Variants in ADGRV1 observed in about 807,000 individuals in gnomAD.
ADGRV1 encodes the protein G-protein coupled receptor 98.
A neutral mutation model predicts 596.2 loss-of-function variants in ADGRV1; 359 were observed. The ratio of observed to expected loss-of-function variants is 0.60; its 90% CI spans 0.55 to 0.66. ADGRV1 has a LOEUF of 0.66. Ranked by LOEUF, ADGRV1 falls within the 30% of genes least tolerant of loss-of-function variation. The pLI is 0.00. For missense variants in ADGRV1, 7,274 were observed against 7,575.6 expected (o/e 0.96, Z 1.48); for synonymous variants, 2,681 against 2,679.2 (o/e 1.00, Z -0.02).
chr5:90,922,225 GATTAT>G (rs1773947115), intron 83 of ADGRV1, among the ~76,000 whole-genome samples: 1 of 152,140 alleles, frequency 6.6e-6, no homozygotes, highest in African/African-American at 2.4e-5. Context: ...TCTTTTGACT[GATTAT>G]ATTTTCTTCT....
chr5:90,848,981 A>G (rs1300287759), intron 79 of ADGRV1, among the ~76,000 whole-genome samples, 160 bp downstream of exon 79: 1 of 152,208 alleles, frequency 6.6e-6, no homozygotes, highest in East Asian at 1.9e-4. Flanking sequence ...TTTGAAGGAA[A>G]CATAGCAGGT....
Position 90,692,718 on chromosome 5 carries a change from T to C in ADGRV1, c.7065T>C (p.Ala2355=), listed in dbSNP as rs375426224. The C allele has an allele frequency of 5.6e-6, 9 of 1,610,030 alleles. No individual in the cohort carries two copies. The African/African-American group carries it at 1.2e-4, about 22-fold the overall frequency. Residue 2355 remains alanine, a synonymous_variant, in exon 32 of 90, where the codon GCT becomes GCC. Coordinates refer to ENST00000405460, the MANE Select transcript of ADGRV1 (RefSeq NM_032119.4). ...NDDPYGTVAF[A]QMVYRVQEPL... ...ATCCTTATGGTACAGTAGCCTTTGC[T>C]CAGATGGTTTATCGTGTTCAAGAGC... is the stretch of plus-strand genomic sequence containing the variant.
At chr5:91,035,278 A>G (rs1161615033) in intron 85 of ADGRV1, among the ~76,000 whole-genome samples, 2 of 152,120 alleles carry the variant, frequency 1.3e-5, no homozygotes, top group Non-Finnish European at 2.9e-5. Flanking sequence ...TGAAAAGCAA[A>G]TCCATCTTCC....
At position 90,823,507 on chromosome 5, in the gene ADGRV1, G is replaced by A. The variant is rs2438378; in HGVS notation, c.16279G>A (p.Val5427Met). 1,605,518 of 1,613,940 alleles carry A rather than the reference G, an allele frequency of 0.99. 798,880 individuals are homozygous for A. The highest frequency in any genetic ancestry group is 1 in the East Asian group (44,872 of 44,872). The change falls in exon 76 of 90, where the codon GTG becomes ATG. Residue 5427 changes from valine to methionine, a missense_variant. Val to Met is a conservative substitution (Grantham distance 21). Transcript: ENST00000405460. ...VVLQKDGVNL[V>M]EELQSVSGTT... ...GCTCCAGAAGGATGGGGTAAACCTGGTGGAGGAACTTCAGTCTGTGTCAGG... is the reference window on the plus strand; with the variant it reads ...GCTCCAGAAGGATGGGGTAAACCTGATGGAGGAACTTCAGTCTGTGTCAGG...
chr5:90,725,013 G>A, intron 46 of ADGRV1, 24 bp downstream of exon 46: 3 of 1,561,532 alleles, frequency 1.9e-6, no homozygotes, highest in Non-Finnish European at 2.6e-6. Context: ...TTTTTTTATA[G>A]TACAAAAATA....
intron 85 of ADGRV1, among the ~76,000 whole-genome samples, chr5:91,017,920 T>A (rs1238606989): frequency 6.6e-6 from 1 of 151,926 alleles, no homozygotes; most frequent in African/African-American, 2.4e-5. Context: ...TCAGTCAACA[T>A]AACTAAATTG....
chr5:90,807,652 A>T lies in ADGRV1; in HGVS notation c.14887A>T (p.Thr4963Ser). The T allele has an allele frequency of 6.2e-7, 1 of 1,613,240 alleles. No individual in the cohort carries two copies. Among genetic ancestry groups the T allele is most frequent in the Non-Finnish European group, 8.5e-7 (1 of 1,179,326 alleles). The part of the protein sequence containing the change: ...GEQRKGVFLW[T>S]FPSPGWPEAF... ...ACAAAGGAAAGGAGTTTTCCTGTGGACGTTTCCTAGCCCTGGTTGGCCAGA... is the reference window on the plus strand; with the variant it reads ...ACAAAGGAAAGGAGTTTTCCTGTGGTCGTTTCCTAGCCCTGGTTGGCCAGA... Residue 4963 changes from threonine (T) to serine (S), a missense_variant, in exon 73 of 90, where the codon ACG becomes TCG. By Grantham distance (58) the Thr-to-Ser change is moderately conservative. Transcript: ENST00000405460.
At chr5:90,899,521 C>G (rs1771638326) in intron 83 of ADGRV1, among the ~76,000 whole-genome samples, 1 of 152,176 alleles carries the variant, frequency 6.6e-6, no homozygotes. Context: ...TCTTCCTGTA[C>G]CAGAACCGCG....
At chr5:91,052,839 A>T (rs1202162827) in intron 85 of ADGRV1, among the ~76,000 whole-genome samples, 2 of 152,184 alleles carry the variant, frequency 1.3e-5, no homozygotes, top group Admixed American at 6.5e-5. Flanking sequence ...GCAAATTTAG[A>T]TTAAAAAAGT....
chr5:90,568,692 A>G (rs1024331508), intron 1 of ADGRV1, among the ~76,000 whole-genome samples: 2 of 152,150 alleles, frequency 1.3e-5, no homozygotes, highest in African/African-American at 4.8e-5. Context: ...CGTTATATTC[A>G]GTATTGAACA....
chr5:91,149,895 G>C (rs183230942), intron 87 of ADGRV1, 135 bp from the exon 88 acceptor site: 335 of 557,986 alleles, frequency 6.0e-4, no homozygotes, highest in African/African-American at 5.8e-3. Flanking sequence ...CCCAGTCTTG[G>C]GTATTTCTTC....
intron 48 of ADGRV1, 131 bp downstream of exon 48, chr5:90,725,787 A>G: frequency 1.7e-6 from 1 of 589,244 alleles, no homozygotes; most frequent in South Asian, 2.2e-5. Flanking sequence ...GTAAAGTAGA[A>G]TGTAAAGACT....
At chr5:90,851,102 G>GGTGTGTGTGTGTGTGTGTGTGT (rs371933419) in intron 79 of ADGRV1, among the ~76,000 whole-genome samples, 1 of 50,564 alleles carries the variant, frequency 2.0e-5, no homozygotes, top group African/African-American at 5.8e-5. Context: ...AGCTAGGTAG[G>GGTGTGTGTGTGTGTGTGTGTGT]GTGTGTGTGT....
chr5:91,078,009 A>G (rs1788997994), intron 86 of ADGRV1, among the ~76,000 whole-genome samples: 1 of 152,126 alleles, frequency 6.6e-6, no homozygotes, highest in Non-Finnish European at 1.5e-5. Context: ...TCCCACACAT[A>G]GGTTTCAATA....
At chr5:90,665,498 C>G (rs1350316445) in intron 21 of ADGRV1, among the ~76,000 whole-genome samples, 1 of 152,002 alleles carries the variant, frequency 6.6e-6, no homozygotes, top group Non-Finnish European at 1.5e-5. Context: ...TTTGATTCTT[C>G]TCTCTTTTTT....
At chr5:90,753,986 T>TTAAATTTCACATA (rs1318101095) in intron 54 of ADGRV1, among the ~76,000 whole-genome samples, 157 bp downstream of exon 54, 1 of 152,146 alleles carries the variant, frequency 6.6e-6, no homozygotes, top group African/African-American at 2.4e-5. Flanking sequence ...TTAAATCTGG[T>TTAAATTTCACATA]AATCATGTGA....
intron 85 of ADGRV1, among the ~76,000 whole-genome samples, chr5:91,029,134 G>A (rs925388615): frequency 1.3e-5 from 2 of 152,114 alleles, no homozygotes; most frequent in Non-Finnish European, 2.9e-5. Flanking sequence ...GAAAGTTGGT[G>A]TATATTTTTT....
chr5:90,629,571 G>A lies in ADGRV1; in HGVS notation c.1839+32G>A, dbSNP rs77472411. On this transcript the variant is annotated intron_variant, in intron 9 of 89. Coordinates refer to ENST00000405460, the MANE Select transcript of ADGRV1 (RefSeq NM_032119.4). Reference sequence around the variant, plus strand: ...GTATGATTAAAATAATCGTAATTTTGGTTAACCTTCAAGTGTACTAACCTG... The same window carrying A: ...GTATGATTAAAATAATCGTAATTTTAGTTAACCTTCAAGTGTACTAACCTG... 0.011 allele frequency: 16,575 copies of A among 1,476,044 alleles called. 1,536 individuals are homozygous for A. In the African/African-American group the frequency reaches 0.21, roughly 18 times the overall value. The allele number at this position is 1,476,044 out of a possible 1,614,324, so 91.4% of individuals were successfully genotyped here. A position where few individuals can be genotyped will look rare whatever the true frequency, so the allele number is the denominator to read the frequency against.
chr5:90,715,638 G>A (rs1050707612), intron 42 of ADGRV1, among the ~76,000 whole-genome samples: 1 of 133,986 alleles, frequency 7.5e-6, no homozygotes, highest in Non-Finnish European at 1.5e-5. Context: ...TTGCTATTGT[G>A]AATAAGGTCT....
Sources: allele counts gnomAD v4.1 joint callset (sites outside exome capture counted in the v4.1 genomes callset), GRCh38; gene constraint gnomAD v4.1.1; transcripts MANE v1.5; gene names NCBI Gene and HGNC (gene_info 2026-07-23, HGNC 2026-07-21).